ADAMTS18: variants seen among roughly 807,000 people sequenced by gnomAD.
ADAMTS18 encodes A disintegrin and metalloproteinase with thrombospondin motifs 18.
A neutral mutation model predicts 165.9 loss-of-function variants in ADAMTS18; 157 were observed. The ratio of observed to expected loss-of-function variants is 0.95; its 90% confidence interval spans 0.83 to 1.08. ADAMTS18 has a LOEUF of 1.08. ADAMTS18 is among the 50% of genes least tolerant of loss of function. ADAMTS18 has a pLI of 0.00. For synonymous variants in ADAMTS18, 782 were observed against 578.2 expected (o/e 1.35, Z -5.06); for missense variants, 2,040 against 1,534.0 (o/e 1.33, Z -5.51).
At position 77,359,340 on chromosome 16, in the gene ADAMTS18, T is replaced by C. The variant is rs1053641510; in HGVS notation, c.1300A>G (p.Ile434Val). 1 of 1,614,088 alleles carries C rather than the reference T, an allele frequency of 6.2e-7. No individual in the cohort carries two copies. Among genetic ancestry groups the C allele is most frequent in the Non-Finnish European group, 8.5e-7 (1 of 1,180,002 alleles). ...EDTGLGLAFT[I>V]AHESGHNFGM... ...TACTTGTGCCCTGACTCATGAGCGA[T>C]GGTGAAGGCAAGGCCAAGTCCTGTG... Residue 434 changes from isoleucine (I) to valine (V), a missense_variant, in exon 8 of 23, where the codon ATC (isoleucine) becomes GTC (valine). Transcript: ENST00000282849.
intron 16 of ADAMTS18, among the ~76,000 whole-genome samples, chr16:77,307,630 G>A (rs1007582402): frequency 3.3e-5 from 5 of 152,170 alleles, no homozygotes; most frequent in African/African-American, 7.2e-5. Flanking sequence ...GACAAATGAC[G>A]TGCCATCGCA....
At chr16:77,344,253 T>A (rs2056443199) in intron 10 of ADAMTS18, among the ~76,000 whole-genome samples, 1 of 151,416 alleles carries the variant, frequency 6.6e-6, no homozygotes, top group South Asian at 2.1e-4. Flanking sequence ...TTGAGGACAC[T>A]ACTTAGAAAC....
intron 19 of ADAMTS18, among the ~76,000 whole-genome samples, chr16:77,293,964 A>T (rs17769754): frequency 0.11 from 16,302 of 151,802 alleles, 1,215 homozygotes; most frequent in Admixed American, 0.22. Context: ...GTGCTAACAG[A>T]TATGTCCTAA....
chr16:77,383,314 C>A (rs1402814659), intron 3 of ADAMTS18, among the ~76,000 whole-genome samples: 1 of 152,122 alleles, frequency 6.6e-6, no homozygotes, highest in African/African-American at 2.4e-5. Context: ...TTTCAAGACA[C>A]TTTGCAGCCC....
intron 3 of ADAMTS18, among the ~76,000 whole-genome samples, chr16:77,424,800 C>T (rs779802167): frequency 6.6e-6 from 1 of 152,174 alleles, no homozygotes; most frequent in Admixed American, 6.5e-5. Context: ...ATAAATACAA[C>T]CCAGTCTAAT....
intron 13 of ADAMTS18, among the ~76,000 whole-genome samples, chr16:77,324,226 A>C (rs942891458): frequency 6.6e-6 from 1 of 152,222 alleles, no homozygotes; most frequent in African/African-American, 2.4e-5. Context: ...GGTAGGAAGC[A>C]TGGGACCTCA....
intron 10 of ADAMTS18, among the ~76,000 whole-genome samples, chr16:77,347,032 C>A (rs1298195260): frequency 6.6e-6 from 1 of 152,164 alleles, no homozygotes; most frequent in Admixed American, 6.6e-5. Flanking sequence ...TGCCTATTCT[C>A]TTAAATTTCA....
chr16:77,384,036 T>A (rs943196005), intron 3 of ADAMTS18, among the ~76,000 whole-genome samples: 1 of 151,122 alleles, frequency 6.6e-6, no homozygotes, highest in African/African-American at 2.4e-5. Flanking sequence ...TTACTGTTCA[T>A]CCCTCCTATT....
At chr16:77,336,002 T>A in intron 11 of ADAMTS18, 98 bp from the exon 12 acceptor site, 1 of 1,480,938 alleles carries the variant, frequency 6.8e-7, no homozygotes, top group Non-Finnish European at 9.4e-7. Flanking sequence ...AACAGGTCTG[T>A]TGGGAGAAAA....
intron 3 of ADAMTS18, among the ~76,000 whole-genome samples, chr16:77,369,257 A>G (rs1948717): frequency 0.85 from 128,875 of 152,188 alleles, 54,947 homozygotes; most frequent in African/African-American, 0.94. Context: ...TAAGCTAAAG[A>G]TTTGTCAATT....
At position 77,364,931 on chromosome 16, in the gene ADAMTS18, C is replaced by T. The variant is rs536980029; in HGVS notation, c.779-550G>A. On this transcript the variant is annotated intron_variant, in intron 4 of 22. Coordinates refer to ENST00000282849, the MANE Select transcript of ADAMTS18 (RefSeq NM_199355.4). The stretch of plus-strand genomic sequence containing the variant: ...CACCAGCCTGGCCAACATGGTGAAA[C>T]CCCATCTCTACTAAAATTACAAAAA... Among the ~76,000 whole-genome samples the T allele has an allele frequency of 3.3e-5, 5 of 152,120 alleles. No individual in the cohort carries two copies. In the South Asian group the frequency reaches 6.2e-4, roughly 19 times the overall value.
chr16:77,301,452 TTTC>T, intron 16 of ADAMTS18, among the ~76,000 whole-genome samples: 1 of 152,220 alleles, frequency 6.6e-6, no homozygotes. Context: ...ACTACTCCTC[TTTC>T]TTCTTTTTTC....
intron 15 of ADAMTS18, 152 bp from the exon 16 acceptor site, chr16:77,320,245 C>A: frequency 1.0e-6 from 1 of 982,556 alleles, no homozygotes; most frequent in Admixed American, 2.1e-5. Context: ...TAAACATGAT[C>A]AATGATTTCA....
intron 3 of ADAMTS18, among the ~76,000 whole-genome samples, chr16:77,409,570 G>C (rs1413204143): frequency 6.6e-6 from 1 of 152,146 alleles, no homozygotes; most frequent in Non-Finnish European, 1.5e-5. Context: ...TGAATCCTGA[G>C]ATCAAAAACC....
At chr16:77,429,952 G>C (rs1326085975) in intron 3 of ADAMTS18, among the ~76,000 whole-genome samples, 1 of 152,150 alleles carries the variant, frequency 6.6e-6, no homozygotes, top group Admixed American at 6.5e-5. Flanking sequence ...TAAACAATTT[G>C]TCTAAGGTCC....
intron 12 of ADAMTS18, among the ~76,000 whole-genome samples, chr16:77,327,721 G>A (rs941123237): frequency 3.9e-5 from 6 of 152,124 alleles, no homozygotes; most frequent in Admixed American, 2.0e-4. Flanking sequence ...ATGTGTGCTC[G>A]TCTGCTACAT....
At chr16:77,374,704 C>T (rs1253559448) in intron 3 of ADAMTS18, among the ~76,000 whole-genome samples, 1 of 152,124 alleles carries the variant, frequency 6.6e-6, no homozygotes, top group Non-Finnish European at 1.5e-5. Flanking sequence ...CTGTTACATG[C>T]AAACTGCAGA....
chr16:77,334,067 C>T (rs1178303860), intron 12 of ADAMTS18, among the ~76,000 whole-genome samples: 1 of 88,100 alleles, frequency 1.1e-5, no homozygotes, highest in Non-Finnish European at 2.1e-5. Context: ...GCTATATATG[C>T]TATATATAAT....
At chr16:77,355,650 T>C (rs914965088) in intron 9 of ADAMTS18, among the ~76,000 whole-genome samples, 2 of 152,166 alleles carry the variant, frequency 1.3e-5, no homozygotes, top group African/African-American at 4.8e-5. Context: ...TAGTACCTTA[T>C]GCAACACAAT....
Sources: allele counts gnomAD v4.1 joint callset (sites outside exome capture counted in the v4.1 genomes callset), GRCh38; gene constraint gnomAD v4.1.1; transcripts MANE v1.5; gene names NCBI Gene and HGNC (gene_info 2026-07-23, HGNC 2026-07-21).